Variants in RANBP17 observed in about 807,000 individuals in gnomAD.
RANBP17 encodes RAN binding protein 17, also known as ran-binding protein 17.
A neutral mutation model predicts 141.2 loss-of-function variants in RANBP17; 158 were observed. The observed-to-expected ratio is 1.12, with a 90% CI of 0.98 to 1.28. The LOEUF (loss-of-function observed/expected upper bound fraction) is 1.28, where lower values mean the gene tolerates loss of function less well. RANBP17 is among the 50% of genes most tolerant of loss of function. The pLI is 0.00. For missense variants in RANBP17, 1,438 were observed against 1,290.7 expected (o/e 1.11, Z -1.75); for synonymous variants, 430 against 450.0 (o/e 0.96, Z 0.56).
intron 24 of RANBP17, chr5:171,252,221 C>T: frequency 6.4e-7 from 1 of 1,573,316 alleles, no homozygotes; most frequent in Non-Finnish European, 8.7e-7. Context: ...AATACAATTG[C>T]TGATATTTTA....
At chr5:171,186,501 G>T (rs1466775420) in intron 18 of RANBP17, among the ~76,000 whole-genome samples, 3 of 139,186 alleles carry the variant, frequency 2.2e-5, no homozygotes, top group Non-Finnish European at 3.1e-5. Flanking sequence ...TTTGGCTTAG[G>T]AAATGTTATC....
intron 20 of RANBP17, among the ~76,000 whole-genome samples, chr5:171,212,248 G>A (rs1425453365): frequency 6.6e-6 from 1 of 152,106 alleles, no homozygotes; most frequent in Admixed American, 6.5e-5. Flanking sequence ...CTATCTAATG[G>A]GGCAGACAAA....
intron 14 of RANBP17, among the ~76,000 whole-genome samples, chr5:171,088,236 C>A (rs1419726251): frequency 2.0e-5 from 3 of 151,742 alleles, no homozygotes; most frequent in Non-Finnish European, 4.4e-5. Flanking sequence ...CTTAGTTTGG[C>A]TGGATATGAA....
At chr5:171,297,846 CTTT>C (rs71310040) in intron 27 of RANBP17, among the ~76,000 whole-genome samples, 3 of 67,470 alleles carry the variant, frequency 4.4e-5, no homozygotes, top group South Asian at 1.1e-3. Context: ...CCAATAAATT[CTTT>C]TTTTTTTTTT....
chr5:171,224,703 G>T (rs1055773901), intron 22 of RANBP17, among the ~76,000 whole-genome samples: 1 of 152,140 alleles, frequency 6.6e-6, no homozygotes, highest in Admixed American at 6.5e-5. Flanking sequence ...GAGACAAAAC[G>T]TCCAGAGCAT....
At chr5:171,226,394 G>C (rs1763879113) in intron 22 of RANBP17, among the ~76,000 whole-genome samples, 1 of 152,090 alleles carries the variant, frequency 6.6e-6, no homozygotes. Context: ...TTAGGTACCT[G>C]ATTTAAGAAC....
intron 14 of RANBP17, among the ~76,000 whole-genome samples, chr5:171,026,954 C>T (rs534277708): frequency 5.3e-5 from 8 of 152,198 alleles, no homozygotes; most frequent in Non-Finnish European, 1.2e-4. Context: ...CTCCTGTCAG[C>T]GACAGCATTA....
chr5:171,172,527 AAACTC>A (rs1760170443), intron 16 of RANBP17, among the ~76,000 whole-genome samples: 1 of 151,656 alleles, frequency 6.6e-6, no homozygotes, highest in African/African-American at 2.4e-5. Flanking sequence ...ATTAAAAAAA[AAACTC>A]AACCCATATT....
intron 12 of RANBP17, among the ~76,000 whole-genome samples, chr5:170,943,837 A>G (rs868481264): frequency 7.9e-5 from 12 of 152,124 alleles, no homozygotes; most frequent in Non-Finnish European, 1.5e-4. Context: ...CAGCCAAATT[A>G]TCCTATCACC....
intron 4 of RANBP17, among the ~76,000 whole-genome samples, chr5:170,893,529 C>T (rs1769832308): frequency 6.6e-6 from 1 of 151,976 alleles, no homozygotes; most frequent in Non-Finnish European, 1.5e-5. Context: ...CGTGGTGGCT[C>T]ATGCCTGTAA....
chr5:170,974,981 T>TGA (rs1158921925), intron 14 of RANBP17, among the ~76,000 whole-genome samples: 1 of 152,114 alleles, frequency 6.6e-6, no homozygotes, highest in Admixed American at 6.5e-5. Flanking sequence ...GGAGACAGAA[T>TGA]GAGAGACAGC....
intron 14 of RANBP17, among the ~76,000 whole-genome samples, chr5:171,068,269 A>G (rs571989217): frequency 6.6e-6 from 1 of 151,876 alleles, no homozygotes; most frequent in Non-Finnish European, 1.5e-5. Flanking sequence ...TATAACTTCT[A>G]TTTTTTGTTA....
At chr5:170,977,753 T>C (rs996590353) in intron 14 of RANBP17, among the ~76,000 whole-genome samples, 1 of 151,994 alleles carries the variant, frequency 6.6e-6, no homozygotes, top group African/African-American at 2.4e-5. Context: ...AAAAAACAAA[T>C]ACCACATGAT....
At chr5:171,113,157 A>C (rs1236666825) in intron 14 of RANBP17, among the ~76,000 whole-genome samples, 1 of 152,198 alleles carries the variant, frequency 6.6e-6, no homozygotes, top group East Asian at 1.9e-4. Flanking sequence ...ATGTATCACT[A>C]AACAATCTCC....
At chr5:170,884,396 A>G (rs1255488661) in intron 3 of RANBP17, among the ~76,000 whole-genome samples, 1 of 152,194 alleles carries the variant, frequency 6.6e-6, no homozygotes, top group African/African-American at 2.4e-5. Context: ...CATATTTTGT[A>G]TGTTATATGT....
chr5:170,887,332 G>A (rs889988889), intron 3 of RANBP17, among the ~76,000 whole-genome samples: 7 of 152,112 alleles, frequency 4.6e-5, no homozygotes, highest in African/African-American at 1.7e-4. Context: ...CGTGGATTAT[G>A]CCTTTGGTGT....
intron 14 of RANBP17, among the ~76,000 whole-genome samples, chr5:171,068,260 A>C (rs192258266): frequency 6.6e-6 from 1 of 152,030 alleles, no homozygotes; most frequent in Non-Finnish European, 1.5e-5. Context: ...GGTTAATTTT[A>C]TAACTTCTAT....
At chr5:170,981,950 T>G (rs1311057694) in intron 14 of RANBP17, among the ~76,000 whole-genome samples, 1 of 152,142 alleles carries the variant, frequency 6.6e-6, no homozygotes, top group Non-Finnish European at 1.5e-5. Flanking sequence ...CTGATTTAAT[T>G]AGGATTAATT....
At chr5:171,263,028 A>G (rs981830998) in intron 24 of RANBP17, among the ~76,000 whole-genome samples, 7 of 152,194 alleles carry the variant, frequency 4.6e-5, no homozygotes, top group East Asian at 1.9e-4. Flanking sequence ...TGTTTTATCA[A>G]TGCTGGGTTT....
Sources: allele counts gnomAD v4.1 joint callset (sites outside exome capture counted in the v4.1 genomes callset), GRCh38; gene constraint gnomAD v4.1.1; transcripts MANE v1.5; gene names NCBI Gene and HGNC (gene_info 2026-07-23, HGNC 2026-07-21).